RAB31: variants seen among roughly 807,000 people sequenced by gnomAD.
The protein encoded by RAB31 is ras-related protein Rab-31.
Under a neutral mutation model 25.6 loss-of-function variants are expected in RAB31, and 21 were observed. The observed-to-expected ratio is 0.82, with a 90% CI of 0.58 to 1.18. The LOEUF is 1.18. Among genes scored for constraint, RAB31 ranks in the 50% most tolerant of loss-of-function variants. The probability of loss-of-function intolerance (pLI) is 0.00; values close to 1 mark genes in which losing one functional copy is unlikely to be tolerated. For missense variants in RAB31, 196 were observed against 250.1 expected, an observed-to-expected ratio of 0.78 and a Z score of 1.46; for synonymous variants, 87 against 84.0, an observed-to-expected ratio of 1.04 and a Z score of -0.20.
intron 1 of RAB31, among the ~76,000 whole-genome samples, chr18:9,722,457 C>T (rs942230774): frequency 3.9e-5 from 6 of 152,152 alleles, no homozygotes; most frequent in South Asian, 2.1e-4. Flanking sequence ...ATGCGTACCT[C>T]GGAATCCAGC....
At chr18:9,768,661 A>T (rs1469091824) in intron 1 of RAB31, among the ~76,000 whole-genome samples, 1 of 152,010 alleles carries the variant, frequency 6.6e-6, no homozygotes, top group Admixed American at 6.6e-5. Context: ...GTTCACTCTG[A>T]TGATAGTTTC....
In RAB31 at chr18:9,773,210, C is replaced by T. The variant is rs553091961; in HGVS notation, c.40-2068C>T. Among the ~76,000 whole-genome samples the T allele has an allele frequency of 2.6e-5, 4 of 152,144 alleles. No individual in the cohort carries two copies. In the South Asian group the frequency reaches 8.3e-4, roughly 32 times the overall value. Reference sequence around the variant, plus strand: ...TTGCCCCAGGTTTGCTGGAATTGTCCCCCAAACACAGGGCTGAGAAGGAGT... The same window carrying T: ...TTGCCCCAGGTTTGCTGGAATTGTCTCCCAAACACAGGGCTGAGAAGGAGT... On this transcript the variant is annotated intron_variant, in intron 1 of 6. Coordinates refer to ENST00000578921, the MANE Select transcript of RAB31 (RefSeq NM_006868.4).
intron 1 of RAB31, among the ~76,000 whole-genome samples, chr18:9,737,949 C>T (rs761311484): frequency 6.6e-6 from 1 of 152,200 alleles, no homozygotes; most frequent in African/African-American, 2.4e-5. Context: ...ACCAACAAGA[C>T]AGGCTTACCA....
chr18:9,774,272 T>C (rs2068360722), intron 1 of RAB31, among the ~76,000 whole-genome samples: 1 of 152,146 alleles, frequency 6.6e-6, no homozygotes, highest in Admixed American at 6.5e-5. Context: ...GAACAGCACC[T>C]GGCCCCTCCC....
intron 1 of RAB31, among the ~76,000 whole-genome samples, chr18:9,717,944 G>T (rs1216919750): frequency 6.6e-6 from 1 of 152,128 alleles, no homozygotes; most frequent in Non-Finnish European, 1.5e-5. Flanking sequence ...GCCCAGGCTG[G>T]AGTGCAGTGG....
chr18:9,858,922 A>G (rs1276536610), intron 6 of RAB31, among the ~76,000 whole-genome samples: 1 of 152,120 alleles, frequency 6.6e-6, no homozygotes, highest in Non-Finnish European at 1.5e-5. Flanking sequence ...CGGAGGCTGG[A>G]TGGGAGCTGC....
chr18:9,742,366 G>A (rs1297344316), intron 1 of RAB31, among the ~76,000 whole-genome samples: 1 of 152,196 alleles, frequency 6.6e-6, no homozygotes, highest in Admixed American at 6.5e-5. Context: ...ATTTGTCTGG[G>A]CGGATGGTCC....
rs901792186 is a variant in RAB31, at chr18:9,859,396, C to T, written c.*71C>T. 15 of 1,344,162 alleles carry T rather than the reference C, an allele frequency of 1.1e-5. No homozygotes were observed. In the Admixed American group the frequency reaches 1.8e-4, roughly 16 times the overall value. 83.3% of individuals were successfully genotyped at this position (1,344,162 alleles called of 1,614,324 possible). A position where few individuals can be genotyped will look rare whatever the true frequency, so the allele number is the denominator to read the frequency against. On this transcript the variant is annotated 3_prime_UTR_variant, in exon 7 of 7. Transcript: ENST00000578921. ...TCCTGTGCACTGCTGAAGGACCCTA[C>T]GCTCGGTGGCCTGGCACCTCACTTT...
At chr18:9,760,422 G>A (rs912099747) in intron 1 of RAB31, among the ~76,000 whole-genome samples, 6 of 152,022 alleles carry the variant, frequency 3.9e-5, no homozygotes, top group Admixed American at 1.3e-4. Context: ...GTCCTCCCAC[G>A]TAAGCCTCCC....
intron 5 of RAB31, among the ~76,000 whole-genome samples, chr18:9,840,388 T>A (rs2068727228): frequency 6.6e-6 from 1 of 152,058 alleles, no homozygotes; most frequent in Admixed American, 6.5e-5. Flanking sequence ...TGAAAAAAAA[T>A]AAACAAAAGT....
At chr18:9,735,735 A>C (rs2068147985) in intron 1 of RAB31, 1 of 152,370 alleles carries the variant, frequency 6.6e-6, no homozygotes, top group Non-Finnish European at 1.5e-5. Context: ...CTGAGGTGGG[A>C]GGATCGCTTG....
intron 1 of RAB31, among the ~76,000 whole-genome samples, chr18:9,773,321 A>G (rs8096320): frequency 0.032 from 4,823 of 152,302 alleles, 276 homozygotes; most frequent in African/African-American, 0.11. Flanking sequence ...CTGAATTTCA[A>G]CATTTCATCC....
intron 6 of RAB31, chr18:9,849,527 A>T (rs1237272379): frequency 1.3e-5 from 2 of 152,326 alleles, no homozygotes; most frequent in Non-Finnish European, 2.9e-5. Flanking sequence ...GCCATGCTAG[A>T]CCCTGGGGAC....
At chr18:9,765,953 G>C (rs2068313814) in intron 1 of RAB31, among the ~76,000 whole-genome samples, 1 of 151,956 alleles carries the variant, frequency 6.6e-6, no homozygotes, top group African/African-American at 2.4e-5. Flanking sequence ...CGGGTGTAGG[G>C]GGTGGGGGAG....
rs181716706 is a variant in RAB31, at chr18:9,752,405, A to T, written c.40-22873A>T. Among the ~76,000 whole-genome samples, 98 of 152,148 alleles carry T rather than the reference A, an allele frequency of 6.4e-4. 2 individuals carry two copies. Among genetic ancestry groups the T allele is most frequent in the African/African-American group, 2.3e-3 (97 of 41,490 alleles). ...ACGCCCGGCTAAGTTTTGTATTTTT[A>T]GTAGGGACGAGGTTTAGCCATGTTG... On this transcript the variant is annotated intron_variant, in intron 1 of 6. Coordinates refer to ENST00000578921, the MANE Select transcript of RAB31 (RefSeq NM_006868.4).
chr18:9,806,976 A>T (rs2068544853), intron 3 of RAB31, among the ~76,000 whole-genome samples: 1 of 152,186 alleles, frequency 6.6e-6, no homozygotes, highest in Non-Finnish European at 1.5e-5. Flanking sequence ...TCAAAACAGG[A>T]TCTCTCTGGT....
chr18:9,745,905 A>C (rs911303306), intron 1 of RAB31, among the ~76,000 whole-genome samples: 9 of 152,218 alleles, frequency 5.9e-5, no homozygotes, highest in African/African-American at 2.2e-4. Flanking sequence ...TGTTCAACAT[A>C]GGAAGTCTTA....
intron 6 of RAB31, among the ~76,000 whole-genome samples, chr18:9,848,053 C>T (rs1019831927): frequency 1.3e-5 from 2 of 152,136 alleles, no homozygotes; most frequent in Admixed American, 1.3e-4. Flanking sequence ...CCATCAAATA[C>T]CCATATCACC....
intron 1 of RAB31, among the ~76,000 whole-genome samples, chr18:9,747,346 A>T (rs2068210803): frequency 6.6e-6 from 1 of 152,192 alleles, no homozygotes; most frequent in Admixed American, 6.5e-5. Context: ...CAAAAAGTTA[A>T]ACATAGAGTT....
Sources: gnomAD v4.1 joint callset for allele counts (sites outside exome capture counted in the v4.1 genomes callset) on GRCh38, gnomAD v4.1.1 for gene constraint, MANE v1.5 for transcripts, NCBI Gene and HGNC (gene_info 2026-07-23, HGNC 2026-07-21) for gene names.